CEP89: variants seen among roughly 807,000 people sequenced by gnomAD.
CEP89 encodes centrosomal protein of 89 kDa.
Under a neutral mutation model 97.6 loss-of-function variants are expected in CEP89, and 95 were observed. That is an observed-to-expected ratio of 0.97 (90% confidence interval 0.82 to 1.15). The LOEUF (loss-of-function observed/expected upper bound fraction) is 1.15. Ranked by LOEUF, CEP89 falls within the 50% of genes most tolerant of loss-of-function variation. CEP89 has a pLI of 0.00. For synonymous variants in CEP89, 354 were observed against 349.1 expected, an observed-to-expected ratio of 1.01 and a Z score of -0.16; for missense variants, 869 against 947.7, an observed-to-expected ratio of 0.92 and a Z score of 1.09.
chr19:32,910,255 G>A (rs1419968895), intron 14 of CEP89, among the ~76,000 whole-genome samples: 2 of 146,726 alleles, frequency 1.4e-5, no homozygotes, highest in African/African-American at 5.0e-5. Flanking sequence ...GACAGAGCGA[G>A]ACTCTGCCTC....
intron 8 of CEP89, among the ~76,000 whole-genome samples, chr19:32,932,137 C>T (rs1054473836): frequency 6.6e-6 from 1 of 150,708 alleles, no homozygotes; most frequent in Non-Finnish European, 1.5e-5. Flanking sequence ...GCCGAAATCA[C>T]GCCACTGCAC....
intron 17 of CEP89, among the ~76,000 whole-genome samples, chr19:32,882,561 C>CAAA (rs564662597): frequency 1.1e-5 from 1 of 91,542 alleles, no homozygotes; most frequent in Non-Finnish European, 2.4e-5. Flanking sequence ...GACCCTGTCT[C>CAAA]AAAAAAAAAA....
At chr19:32,893,622 C>G (rs8111090) in intron 16 of CEP89, among the ~76,000 whole-genome samples, 12,461 of 152,194 alleles carry the variant, frequency 0.082, 1,595 homozygotes, top group African/African-American at 0.27. Context: ...CTGTGTGTTA[C>G]GCTACAAAGC....
At position 32,939,894 on chromosome 19, in the gene CEP89, G is replaced by A; in HGVS notation, c.596-9C>T. On this transcript the variant is annotated splice_polypyrimidine_tract_variant and intron_variant, in intron 5 of 18. Coordinates refer to ENST00000305768, the MANE Select transcript of CEP89 (RefSeq NM_032816.5). ...AACAGGGTGTTTACCATCTGATGAA[G>A]AAAAAGAGAGAGAGATAAACTTTTA... 1 of 1,252,512 alleles carries A rather than the reference G, an allele frequency of 8.0e-7. No homozygotes were observed. The highest frequency in any genetic ancestry group is 1.1e-6 in the Non-Finnish European group (1 of 876,160). The allele number at this position is 1,252,512 out of a possible 1,614,324, so 77.6% of individuals were successfully genotyped here. A position where few individuals can be genotyped will look rare whatever the true frequency, so the allele number is the denominator to read the frequency against.
chr19:32,942,162 G>A (rs1970700227), intron 5 of CEP89, among the ~76,000 whole-genome samples: 1 of 152,114 alleles, frequency 6.6e-6, no homozygotes, highest in African/African-American at 2.4e-5. Context: ...CAGGTAGATC[G>A]GTTGAGCCCG....
chr19:32,943,713 T>G (rs997808880), intron 5 of CEP89, among the ~76,000 whole-genome samples: 11 of 152,000 alleles, frequency 7.2e-5, no homozygotes, highest in African/African-American at 2.7e-4. Context: ...GAGTAGCATG[T>G]GCACAGGTCC....
intron 4 of CEP89, among the ~76,000 whole-genome samples, chr19:32,951,569 A>ACACACACG (rs1970920326): frequency 6.6e-6 from 1 of 151,054 alleles, no homozygotes; most frequent in African/African-American, 2.4e-5. Context: ...ACACACACGC[A>ACACACACG]CACTACTACA....
At chr19:32,885,983 T>C (rs1429061819) in intron 17 of CEP89, among the ~76,000 whole-genome samples, 3 of 152,146 alleles carry the variant, frequency 2.0e-5, no homozygotes, top group African/African-American at 7.2e-5. Context: ...CTCTGTCCCT[T>C]CTATTTCTTC....
chr19:32,894,279 T>C (rs1411360054), intron 16 of CEP89, among the ~76,000 whole-genome samples: 2 of 152,186 alleles, frequency 1.3e-5, no homozygotes, highest in Non-Finnish European at 2.9e-5. Flanking sequence ...AAGCCCCACA[T>C]GCTCCTTTCT....
intron 5 of CEP89, among the ~76,000 whole-genome samples, chr19:32,941,673 A>C (rs1229457909): frequency 6.6e-6 from 1 of 152,130 alleles, no homozygotes; most frequent in Non-Finnish European, 1.5e-5. Flanking sequence ...GTTGGACACC[A>C]GGTGAAATCC....
rs1439505868 is a variant in CEP89 at position 32,878,982 on chromosome 19, A to AT, written c.*179_*180insA. On this transcript the variant is annotated 3_prime_UTR_variant, in exon 19 of 19. Coordinates refer to ENST00000305768, the MANE Select transcript of CEP89 (RefSeq NM_032816.5). ...AGCTCTAAAAAAAAAAAAAAATTAA[A>AT]AAATAAAGCAAAATGTTATCAATGG... is the stretch of plus-strand genomic sequence containing the variant. The AT allele has an allele frequency of 1.1e-3, 528 of 468,994 alleles. 3 individuals are homozygous for AT. The highest frequency in any genetic ancestry group is 9.0e-3 in the African/African-American group (455 of 50,346). 29.1% of individuals were successfully genotyped at this position (468,994 alleles called of 1,614,324 possible). A position where few individuals can be genotyped will look rare whatever the true frequency, so the allele number is the denominator to read the frequency against.
intron 17 of CEP89, among the ~76,000 whole-genome samples, chr19:32,885,028 CCTT>C (rs1969364944): frequency 6.6e-6 from 1 of 152,188 alleles, no homozygotes; most frequent in African/African-American, 2.4e-5. Context: ...CTTTTCCCCT[CCTT>C]CTGTTCACCT....
intron 7 of CEP89, among the ~76,000 whole-genome samples, chr19:32,934,110 G>A (rs1333589898): frequency 6.6e-6 from 1 of 152,204 alleles, no homozygotes; most frequent in Non-Finnish European, 1.5e-5. Flanking sequence ...ACACATGAGA[G>A]CAGGACTCAG....
chr19:32,942,176 G>A (rs1970700728), intron 5 of CEP89, among the ~76,000 whole-genome samples: 1 of 152,170 alleles, frequency 6.6e-6, no homozygotes, highest in Admixed American at 6.5e-5. Flanking sequence ...GAGCCCGGGA[G>A]TTTGAGACCA....
rs1431385767 is a variant in CEP89 at position 32,933,359 on chromosome 19, A to C, written c.886+92T>G. On this transcript the variant is annotated intron_variant, in intron 8 of 18. Transcript: ENST00000305768. ...TGAAATATTACAACATAAATTACCAACACAAATATCACAACATAAAATATT... is the reference window on the plus strand; with the variant it reads ...TGAAATATTACAACATAAATTACCACCACAAATATCACAACATAAAATATT... 5 of 978,654 alleles carry C rather than the reference A, an allele frequency of 5.1e-6. No individual in the cohort carries two copies. The East Asian group carries it at 1.2e-4, about 23-fold the overall frequency. 60.6% of individuals were successfully genotyped at this position (978,654 alleles called of 1,614,324 possible). A position where few individuals can be genotyped will look rare whatever the true frequency, so the allele number is the denominator to read the frequency against.
At chr19:32,964,478 T>A (rs2145975130) in intron 2 of CEP89, among the ~76,000 whole-genome samples, 1 of 152,278 alleles carries the variant, frequency 6.6e-6, no homozygotes, top group South Asian at 2.1e-4. Flanking sequence ...AGCCAGTGTG[T>A]AAATGTTTAC....
chr19:32,915,559 CCT>C (rs1376411532), intron 13 of CEP89, 42 bp from the exon 14 acceptor site: 1 of 1,522,438 alleles, frequency 6.6e-7, no homozygotes, highest in Non-Finnish European at 9.0e-7. Flanking sequence ...GCACAGAAGA[CCT>C]CACAAAACAC....
chr19:32,961,936 G>A (rs1438093461), intron 2 of CEP89, among the ~76,000 whole-genome samples: 1 of 151,742 alleles, frequency 6.6e-6, no homozygotes, highest in Non-Finnish European at 1.5e-5. Context: ...GAGCCACCAC[G>A]CCCAGCTGCT....
At chr19:32,887,030 A>C (rs1207920988) in intron 17 of CEP89, among the ~76,000 whole-genome samples, 1 of 50,164 alleles carries the variant, frequency 2.0e-5, no homozygotes, top group Non-Finnish European at 4.6e-5. Flanking sequence ...AAAAAAATAC[A>C]AAAAAAAAAA....
Sources: allele counts gnomAD v4.1 joint callset (sites outside exome capture counted in the v4.1 genomes callset), GRCh38; gene constraint gnomAD v4.1.1; transcripts MANE v1.5; gene names NCBI Gene and HGNC (gene_info 2026-07-23, HGNC 2026-07-21).